The following SUB1 variants were observed in gnomAD, a reference collection of about 807,000 sequenced individuals.
SUB1 encodes activated RNA polymerase II transcriptional coactivator p15.
SUB1 carries 1 observed loss-of-function variant against 16.9 expected under a neutral mutation model. The observed-to-expected ratio is 0.06, with a 90% CI of 0.02 to 0.28. The LOEUF (loss-of-function observed/expected upper bound fraction) is 0.28. Among genes scored for constraint, SUB1 ranks in the 10% least tolerant of loss-of-function variants. The pLI is 1.00. For missense variants in SUB1, 84 were observed against 145.2 expected, an observed-to-expected ratio of 0.58 and a Z score of 2.16; for synonymous variants, 51 against 46.9, an observed-to-expected ratio of 1.09 and a Z score of -0.36.
chr5:32,597,034 G>A (rs1299782923), intron 3 of SUB1: 2 of 147,344 alleles, frequency 1.4e-5, no homozygotes, highest in Admixed American at 1.3e-4. Context: ...CTCTGGATTC[G>A]TATATTCAGA....
chr5:32,589,715 T>G (rs886170131), intron 2 of SUB1, among the ~76,000 whole-genome samples: 2 of 152,234 alleles, frequency 1.3e-5, no homozygotes, highest in Non-Finnish European at 2.9e-5. Flanking sequence ...TCTGAAGAGA[T>G]ATTTATATCC....
chr5:32,594,662 T>A (rs998216292), intron 3 of SUB1: 3 of 448,408 alleles, frequency 6.7e-6, no homozygotes, highest in Non-Finnish European at 1.3e-5. Flanking sequence ...CTGCCTCCTG[T>A]CAGATCAGCA....
intron 1 of SUB1, among the ~76,000 whole-genome samples, chr5:32,587,214 TA>T (rs200850776): frequency 0.014 from 2,125 of 152,294 alleles, 41 homozygotes; most frequent in African/African-American, 0.045. Context: ...ACCTCTGGCA[TA>T]AATGGGTTAA....
chr5:32,590,411 C>T (rs745377639), intron 2 of SUB1, among the ~76,000 whole-genome samples: 5 of 151,272 alleles, frequency 3.3e-5, no homozygotes, highest in Non-Finnish European at 7.4e-5. Flanking sequence ...ATGCGACTTT[C>T]TAATAAGCTT....
chr5:32,588,606 C>A (rs1738734812), intron 2 of SUB1, 22 bp downstream of exon 2: 2 of 1,605,730 alleles, frequency 1.2e-6, no homozygotes, highest in Admixed American at 1.7e-5. Context: ...TGCACCAAGT[C>A]ATTTTGGTGA....
At chr5:32,588,107 C>T (rs1738720874) in intron 1 of SUB1, among the ~76,000 whole-genome samples, 1 of 152,148 alleles carries the variant, frequency 6.6e-6, no homozygotes, top group Non-Finnish European at 1.5e-5. Context: ...GTTCCAATCT[C>T]GTTGATGAGA....
chr5:32,587,157 C>T (rs1738694417), intron 1 of SUB1, among the ~76,000 whole-genome samples: 1 of 152,144 alleles, frequency 6.6e-6, no homozygotes, highest in African/African-American at 2.4e-5. Flanking sequence ...TGTGCTACTG[C>T]TCAAGATCAT....
intron 2 of SUB1, among the ~76,000 whole-genome samples, chr5:32,590,214 T>C (rs1022805401): frequency 3.3e-5 from 5 of 152,242 alleles, no homozygotes; most frequent in Non-Finnish European, 5.9e-5. Flanking sequence ...TAACCTTGTA[T>C]ACCACATTTT....
chr5:32,586,385 C>T (rs1176108882), intron 1 of SUB1: 2 of 152,162 alleles, frequency 1.3e-5, no homozygotes, highest in African/African-American at 2.4e-5. Flanking sequence ...CTGAAGATTT[C>T]GTTTCTCTTT....
intron 3 of SUB1, chr5:32,594,754 T>G (rs1738916085): frequency 9.1e-6 from 2 of 219,910 alleles, no homozygotes; most frequent in South Asian, 9.7e-5. Context: ...TCCTTATTCC[T>G]TATGAGAATC....
At chr5:32,588,761 C>G (rs1738739673) in intron 2 of SUB1, among the ~76,000 whole-genome samples, 177 bp downstream of exon 2, 1 of 151,834 alleles carries the variant, frequency 6.6e-6, no homozygotes, top group South Asian at 2.1e-4. Flanking sequence ...TGCTTGAGGC[C>G]AAGAGTTCAA....
At chr5:32,599,370 A>C (rs1739059308) in intron 4 of SUB1, among the ~76,000 whole-genome samples, 1 of 152,242 alleles carries the variant, frequency 6.6e-6, no homozygotes, top group Non-Finnish European at 1.5e-5. Flanking sequence ...ATTAGGCACT[A>C]TCTGGGAACT....
At position 32,591,472 on chromosome 5, in the gene SUB1, A is replaced by G. The variant is rs149608924; in HGVS notation, c.73-91A>G. 404 of 1,433,062 alleles carry G rather than the reference A, an allele frequency of 2.8e-4. 1 individual carries two copies. In the African/African-American group the frequency reaches 5.0e-3, roughly 18 times the overall value. 88.8% of individuals were successfully genotyped at this position (1,433,062 alleles called of 1,614,324 possible). On this transcript the variant is annotated intron_variant, in intron 2 of 4. Coordinates refer to ENST00000265073, the MANE Select transcript of SUB1 (RefSeq NM_006713.4). ...ATGATATTTTGGATGTAGTCTTTTG[A>G]TTGTTTAAATCTTAAAAAGTAATGG...
intron 3 of SUB1, among the ~76,000 whole-genome samples, chr5:32,592,912 T>C (rs1738866428): frequency 6.6e-6 from 1 of 151,828 alleles, no homozygotes; most frequent in African/African-American, 2.4e-5. Context: ...AGAGAGAGGG[T>C]GAAGGAAAAT....
chr5:32,603,811 AAG>A lies in SUB1; in HGVS notation c.*2728_*2729del, dbSNP rs2111698176. The A allele has an allele frequency of 6.6e-6, 1 of 152,340 alleles. No homozygotes were observed. The highest frequency in any genetic ancestry group is 2.4e-5 in the African/African-American group (1 of 41,576). 9.4% of individuals were successfully genotyped at this position (152,340 alleles called of 1,614,324 possible). ...AAAGTTTGAAATTTTTAAAAAGTAA[AAG>A]TACTTAAATTTAGGTATCTCTCCTG... On this transcript the variant is annotated 3_prime_UTR_variant, in exon 5 of 5. Coordinates refer to ENST00000265073, the MANE Select transcript of SUB1 (RefSeq NM_006713.4).
chr5:32,599,416 G>A (rs1739060330), intron 4 of SUB1, among the ~76,000 whole-genome samples: 2 of 152,312 alleles, frequency 1.3e-5, no homozygotes, highest in South Asian at 4.1e-4. Flanking sequence ...GGTTTACAAT[G>A]CTTCCTTTTG....
At position 32,591,600 on chromosome 5, in the gene SUB1, T is replaced by C. The variant is rs767606889; in HGVS notation, c.110T>C (p.Val37Ala). The stretch of plus-strand genomic sequence containing the variant: ...AAGCAAGTTGCTCCAGAAAAACCTG[T>C]AAAGAAACAAAAGACAGGTGAGACT... ...RKKQVAPEKPVKKQKTGETSR... is the reference protein window; with the variant it reads ...RKKQVAPEKPAKKQKTGETSR... The change falls in exon 3 of 5, where the codon GTA becomes GCA. Residue 37 changes from valine (V) to alanine (A), a missense_variant. Val to Ala is a moderately conservative substitution (Grantham distance 64). This residue lies in a region of SUB1 where 60 missense variants were observed against 64.9 expected (regional missense o/e 0.92). Transcript: ENST00000265073. 1.2e-6 allele frequency: 2 copies of C among 1,608,510 alleles called. No homozygotes were observed. The highest frequency in any genetic ancestry group is 1.7e-5 in the Admixed American group (1 of 59,012).
intron 3 of SUB1, chr5:32,594,442 TTGA>T: frequency 3.3e-6 from 1 of 299,918 alleles, no homozygotes; most frequent in East Asian, 8.0e-5. Flanking sequence ...TTTAGTTTAT[TTGA>T]TGATTTAAGG....
chr5:32,598,900 C>A (rs971666782), intron 3 of SUB1, 61 bp from the exon 4 acceptor site: 4 of 1,294,956 alleles, frequency 3.1e-6, no homozygotes, highest in Non-Finnish European at 4.4e-6. Flanking sequence ...AATATGAATA[C>A]AATTGAAACA....
Sources: allele counts gnomAD v4.1 joint callset (sites outside exome capture counted in the v4.1 genomes callset), GRCh38; gene constraint gnomAD v4.1.1; regional missense constraint gnomAD v4.1.1; transcripts MANE v1.5; gene names NCBI Gene and HGNC (gene_info 2026-07-23, HGNC 2026-07-21).